The following ZMAT4 variants were observed in gnomAD, a reference collection of about 807,000 sequenced individuals.
ZMAT4 encodes zinc finger matrin-type 4.
Under a neutral mutation model 28.7 loss-of-function variants are expected in ZMAT4, and 17 were observed. The ratio of observed to expected loss-of-function variants is 0.59; its 90% CI spans 0.41 to 0.89. The LOEUF (loss-of-function observed/expected upper bound fraction) is 0.89. ZMAT4 is among the 40% of genes least tolerant of loss of function. The pLI, the probability that ZMAT4 is intolerant of heterozygous loss-of-function variation, is 0.00. For missense variants in ZMAT4, 240 were observed against 283.8 expected (o/e 0.85, Z 1.11); for synonymous variants, 117 against 109.2 (o/e 1.07, Z -0.44).
chr8:40,538,605 G>C (rs574994938), intron 6 of ZMAT4, among the ~76,000 whole-genome samples: 1 of 152,168 alleles, frequency 6.6e-6, no homozygotes, highest in South Asian at 2.1e-4. Flanking sequence ...TCTGAAGTGA[G>C]AGAGTTCAGT....
chr8:40,805,918 A>G (rs1815066873), intron 2 of ZMAT4, among the ~76,000 whole-genome samples: 5 of 152,060 alleles, frequency 3.3e-5, no homozygotes, highest in Admixed American at 3.3e-4. Flanking sequence ...GCGCACATGT[A>G]CCCTAAAACT....
At chr8:40,776,151 T>C (rs1813584712) in intron 2 of ZMAT4, among the ~76,000 whole-genome samples, 1 of 152,240 alleles carries the variant, frequency 6.6e-6, no homozygotes, top group Admixed American at 6.5e-5. Context: ...CACTAGATGT[T>C]CTCCTGGGGT....
chr8:40,693,858 G>A (rs58667497), intron 4 of ZMAT4, among the ~76,000 whole-genome samples: 71,199 of 151,966 alleles, frequency 0.47, 17,197 homozygotes, highest in East Asian at 0.62. Flanking sequence ...CAGCTGGAGG[G>A]GGTGGAAAGG....
At chr8:40,844,369 T>C (rs1563522130) in intron 1 of ZMAT4, among the ~76,000 whole-genome samples, 1 of 152,152 alleles carries the variant, frequency 6.6e-6, no homozygotes, top group East Asian at 1.9e-4. Context: ...AGGGCTAGAA[T>C]GGGACAAAAA....
At position 40,697,517 on chromosome 8, in the gene ZMAT4, G is replaced by GTCTA. The variant is rs1554541749; in HGVS notation, c.193-117_193-116insTAGA. The GTCTA allele has an allele frequency of 1.1e-5, 11 of 982,198 alleles. No homozygotes were observed. In the Admixed American group the frequency reaches 3.9e-4, roughly 35 times the overall value. 60.8% of individuals were successfully genotyped at this position (982,198 alleles called of 1,614,324 possible). A position where few individuals can be genotyped will look rare whatever the true frequency, so the allele number is the denominator to read the frequency against. ...ATATCTAGTTTTTGTTCTGCAAGCT[G>GTCTA]TCTCTCTCTCTTTTTGCCTTGCTTT... On this transcript the variant is annotated intron_variant, in intron 3 of 6. Transcript: ENST00000297737.
intron 5 of ZMAT4, among the ~76,000 whole-genome samples, chr8:40,622,948 T>C (rs938455950): frequency 3.3e-5 from 5 of 152,112 alleles, no homozygotes; most frequent in African/African-American, 1.2e-4. Context: ...ATCAGGAATT[T>C]AAGGCCAACT....
chr8:40,553,567 A>G (rs1023581930), intron 6 of ZMAT4, among the ~76,000 whole-genome samples: 1 of 152,154 alleles, frequency 6.6e-6, no homozygotes, highest in African/African-American at 2.4e-5. Context: ...GTGAGGACCA[A>G]AATAGTCGCA....
chr8:40,633,478 G>T (rs1806673356), intron 5 of ZMAT4, among the ~76,000 whole-genome samples: 1 of 152,202 alleles, frequency 6.6e-6, no homozygotes, highest in African/African-American at 2.4e-5. Context: ...TGAGGGACAA[G>T]GGGTGACCAG....
chr8:40,879,418 G>A (rs533952934), intron 1 of ZMAT4, among the ~76,000 whole-genome samples: 1 of 152,236 alleles, frequency 6.6e-6, no homozygotes, highest in African/African-American at 2.4e-5. Flanking sequence ...GTGAGACCCT[G>A]TCTCTTAAAA....
At chr8:40,536,052 C>T (rs998796788) in intron 6 of ZMAT4, among the ~76,000 whole-genome samples, 1 of 152,142 alleles carries the variant, frequency 6.6e-6, no homozygotes, top group African/African-American at 2.4e-5. Context: ...AGCCTATTGC[C>T]TGAGAACTGA....
At chr8:40,686,964 C>T (rs942902372) in intron 4 of ZMAT4, among the ~76,000 whole-genome samples, 5 of 151,970 alleles carry the variant, frequency 3.3e-5, no homozygotes, top group Non-Finnish European at 7.4e-5. Context: ...CTGTGAAGAA[C>T]ATGAGGCGGG....
At chr8:40,579,538 G>A (rs942145072) in intron 6 of ZMAT4, among the ~76,000 whole-genome samples, 19 of 152,284 alleles carry the variant, frequency 1.2e-4, no homozygotes, top group Non-Finnish European at 2.5e-4. Context: ...GCAAGCCATG[G>A]AACTGGCTTT....
intron 3 of ZMAT4, among the ~76,000 whole-genome samples, chr8:40,697,673 T>C (rs1423308472): frequency 6.6e-6 from 1 of 152,132 alleles, no homozygotes; most frequent in Non-Finnish European, 1.5e-5. Flanking sequence ...ACCTGTCATC[T>C]ACATTAGGTA....
At chr8:40,711,369 G>T (rs545284164) in intron 3 of ZMAT4, among the ~76,000 whole-genome samples, 1 of 152,266 alleles carries the variant, frequency 6.6e-6, no homozygotes, top group East Asian at 1.9e-4. Context: ...GGCATCAACA[G>T]CTGCTAACAT....
chr8:40,881,279 C>T (rs1432707023), intron 1 of ZMAT4, among the ~76,000 whole-genome samples: 1 of 151,510 alleles, frequency 6.6e-6, no homozygotes, highest in Non-Finnish European at 1.5e-5. Flanking sequence ...GTCCTGGCTA[C>T]TGAGGAGGCT....
At chr8:40,637,715 C>T (rs1263855663) in intron 5 of ZMAT4, among the ~76,000 whole-genome samples, 1 of 152,190 alleles carries the variant, frequency 6.6e-6, no homozygotes, top group African/African-American at 2.4e-5. Context: ...GGGAAAACCA[C>T]ACACGTGACT....
At chr8:40,816,855 C>A (rs1252767858) in intron 2 of ZMAT4, among the ~76,000 whole-genome samples, 3 of 152,152 alleles carry the variant, frequency 2.0e-5, no homozygotes, top group African/African-American at 7.2e-5. Context: ...ATGAAAGAGA[C>A]AATCCATAAA....
At chr8:40,749,185 C>A (rs1020117039) in intron 3 of ZMAT4, among the ~76,000 whole-genome samples, 7 of 152,048 alleles carry the variant, frequency 4.6e-5, no homozygotes, top group African/African-American at 1.7e-4. Flanking sequence ...TCTTTATTAG[C>A]AGCATGAGAA....
rs537791003 is a variant in ZMAT4, at chr8:40,853,547, C to T, written c.-4-27867G>A. Reference sequence around the variant, plus strand: ...CTCCAGCCCGAGTGACAGTGCAAGACTCCGTCTCAAAAAAATAAATAAATA... The same window carrying T: ...CTCCAGCCCGAGTGACAGTGCAAGATTCCGTCTCAAAAAAATAAATAAATA... On this transcript the variant is annotated intron_variant, in intron 1 of 6. Coordinates refer to ENST00000297737, the MANE Select transcript of ZMAT4 (RefSeq NM_024645.3). 2.4e-4 allele frequency among the ~76,000 whole-genome samples: 37 copies of T among 152,294 alleles called. No homozygotes were observed. The East Asian group carries it at 4.2e-3, about 17-fold the overall frequency.
Sources: allele counts gnomAD v4.1 joint callset (sites outside exome capture counted in the v4.1 genomes callset), GRCh38; gene constraint gnomAD v4.1.1; transcripts MANE v1.5; gene names NCBI Gene and HGNC (gene_info 2026-07-23, HGNC 2026-07-21).